CMC1: variants seen among roughly 807,000 people sequenced by gnomAD.
The protein encoded by CMC1 is COX assembly mitochondrial protein homolog.
CMC1 carries 14 observed loss-of-function variants against 14.1 expected under a neutral mutation model. The ratio of observed to expected loss-of-function variants is 0.99; its 90% CI spans 0.66 to 1.55. The LOEUF (loss-of-function observed/expected upper bound fraction) is 1.55, where lower values mean the gene tolerates loss of function less well. CMC1 is among the 40% of genes most tolerant of loss of function. The pLI, the probability that CMC1 is intolerant of heterozygous loss-of-function variation, is 0.00. For synonymous variants in CMC1, 50 were observed against 38.4 expected, an observed-to-expected ratio of 1.30 and a Z score of -1.12; for missense variants, 127 against 123.8, an observed-to-expected ratio of 1.03 and a Z score of -0.12.
At chr3:28,296,971 A>G (rs899770673) in intron 2 of CMC1, 3 of 151,962 alleles carry the variant, frequency 2.0e-5, no homozygotes, top group Non-Finnish European at 4.4e-5. Flanking sequence ...TCAAACTCTT[A>G]TTAGTTATTT....
intron 2 of CMC1, among the ~76,000 whole-genome samples, chr3:28,275,341 C>CT (rs71087681): frequency 0.051 from 5,147 of 101,208 alleles, 172 homozygotes; most frequent in Non-Finnish European, 0.061. Flanking sequence ...TTTTTTTTTT[C>CT]TTTTTTTTTT....
intron 2 of CMC1, among the ~76,000 whole-genome samples, chr3:28,274,213 T>TTTTTC (rs1700451749): frequency 9.9e-6 from 1 of 101,228 alleles, no homozygotes; most frequent in East Asian, 2.9e-4. Flanking sequence ...AGTGTTTTTG[T>TTTTTC]TTTTTTCTTT....
intron 2 of CMC1, among the ~76,000 whole-genome samples, chr3:28,309,682 A>G (rs1702519271): frequency 5.3e-5 from 8 of 152,106 alleles, no homozygotes; most frequent in Admixed American, 5.2e-4. Flanking sequence ...GGTTCTGTGC[A>G]GAAGAAAACA....
At chr3:28,296,035 G>A (rs973117558) in intron 2 of CMC1, among the ~76,000 whole-genome samples, 1 of 151,892 alleles carries the variant, frequency 6.6e-6, no homozygotes, top group African/African-American at 2.4e-5. Context: ...CTTTTCACCT[G>A]GTCCATAGTA....
chr3:28,262,536 C>T (rs889592581), intron 1 of CMC1, among the ~76,000 whole-genome samples: 2 of 152,092 alleles, frequency 1.3e-5, no homozygotes, highest in African/African-American at 4.8e-5. Context: ...ATATTTGCTG[C>T]TTCAGAGCAT....
intron 1 of CMC1, among the ~76,000 whole-genome samples, chr3:28,248,341 A>T (rs1443298196): frequency 6.6e-6 from 1 of 152,154 alleles, no homozygotes; most frequent in Non-Finnish European, 1.5e-5. Context: ...CCTCCCAGGG[A>T]GGTAGTGTAC....
chr3:28,268,405 T>C (rs1190873280), intron 2 of CMC1, among the ~76,000 whole-genome samples: 1 of 152,166 alleles, frequency 6.6e-6, no homozygotes, highest in Non-Finnish European at 1.5e-5. Flanking sequence ...TGACAACACA[T>C]GTGAAATGTT....
At chr3:28,304,780 A>G (rs1232005773) in intron 2 of CMC1, among the ~76,000 whole-genome samples, 3 of 152,006 alleles carry the variant, frequency 2.0e-5, no homozygotes, top group Non-Finnish European at 2.9e-5. Flanking sequence ...TTTATTCCCT[A>G]TTTTACTTGT....
At chr3:28,260,146 T>C (rs1056252734) in intron 1 of CMC1, among the ~76,000 whole-genome samples, 6 of 152,186 alleles carry the variant, frequency 3.9e-5, no homozygotes, top group Non-Finnish European at 8.8e-5. Context: ...TGAACCACCC[T>C]TGCCTCCCTG....
Position 28,266,504 on chromosome 3 carries a change from G to GT in CMC1, c.109+3135dup, listed in dbSNP as rs752993437. ...TGTAAAATAAACACAAAAGTATATG[G>GT]TTTTTTTTTTTCCTTTTTCTTTGAA... On this transcript the variant is annotated intron_variant, in intron 2 of 3. Coordinates refer to ENST00000466830, the MANE Select transcript of CMC1 (RefSeq NM_182523.2). 4.7e-3 allele frequency among the ~76,000 whole-genome samples: 693 copies of GT among 146,392 alleles called. 11 individuals carry two copies. The highest frequency in any genetic ancestry group is 0.015 in the African/African-American group (622 of 40,134).
chr3:28,298,407 A>C (rs1414754478), intron 2 of CMC1: 2 of 149,402 alleles, frequency 1.3e-5, no homozygotes, highest in African/African-American at 4.9e-5. Flanking sequence ...TGTGAGGTTT[A>C]GAAATAGTAA....
intron 2 of CMC1, among the ~76,000 whole-genome samples, chr3:28,302,753 C>G (rs879542958): frequency 2.0e-5 from 3 of 152,058 alleles, no homozygotes; most frequent in Non-Finnish European, 4.4e-5. Flanking sequence ...TAGCAAAAAA[C>G]CAGCAACAGT....
Position 28,322,059 on chromosome 3 carries a change from G to C in CMC1, c.*2430G>C, listed in dbSNP as rs1301061190. 1 of 151,236 alleles carries C rather than the reference G, an allele frequency of 6.6e-6. No individual in the cohort carries two copies. Among genetic ancestry groups the C allele is most frequent in the South Asian group, 2.1e-4 (1 of 4,832 alleles). 9.4% of individuals were successfully genotyped at this position (151,236 alleles called of 1,614,324 possible). On this transcript the variant is annotated 3_prime_UTR_variant, in exon 4 of 4. Transcript: ENST00000466830. ...TTTTTGGTTGTTTGAATTTTACCTAGAACAGAGATATCAAGTGTAGATTTA... is the reference window on the plus strand; with the variant it reads ...TTTTTGGTTGTTTGAATTTTACCTACAACAGAGATATCAAGTGTAGATTTA...
chr3:28,265,716 A>G (rs962919741), intron 2 of CMC1, among the ~76,000 whole-genome samples: 1 of 152,146 alleles, frequency 6.6e-6, no homozygotes, highest in Non-Finnish European at 1.5e-5. Context: ...TTTTCCATGG[A>G]CAAAGAGAAA....
chr3:28,269,566 CTT>C, intron 2 of CMC1, among the ~76,000 whole-genome samples: 1 of 144,064 alleles, frequency 6.9e-6, no homozygotes, highest in South Asian at 2.2e-4. Flanking sequence ...ACCTAGGTTT[CTT>C]TTTTTTTTTT....
intron 2 of CMC1, among the ~76,000 whole-genome samples, chr3:28,297,385 A>G (rs566179608): frequency 6.6e-6 from 1 of 152,170 alleles, no homozygotes; most frequent in East Asian, 1.9e-4. Context: ...GCAGCCTCAT[A>G]GGACCATGGA....
At chr3:28,299,449 T>C (rs1701909648) in intron 2 of CMC1, among the ~76,000 whole-genome samples, 4 of 152,118 alleles carry the variant, frequency 2.6e-5, no homozygotes, top group African/African-American at 9.6e-5. Flanking sequence ...TCTTTTGTAC[T>C]GTGTTAGAAT....
intron 2 of CMC1, among the ~76,000 whole-genome samples, chr3:28,311,452 T>C (rs1430856275): frequency 4.6e-5 from 7 of 152,338 alleles, no homozygotes; most frequent in African/African-American, 1.7e-4. Flanking sequence ...CTGTTGGTTA[T>C]ACAGAATAAT....
At position 28,263,330 on chromosome 3, in the gene CMC1, CT is replaced by C; in HGVS notation, c.60del (p.Ile22Ter). On this transcript the variant is annotated frameshift_variant, in exon 2 of 4. Transcript: ENST00000466830. LOFTEE classifies it high-confidence loss of function. ...CATGTCGAAAAAGATGTTTTGATCCCTAAAATAATGAGAGAAAAGGCCAAAG... is the reference window on the plus strand; with the variant it reads ...CATGTCGAAAAAGATGTTTTGATCCCAAAATAATGAGAGAAAAGGCCAAAG... ...LRHVEKDVLI[P>X]KIMREKAKER... The C allele has an allele frequency of 6.2e-7, 1 of 1,608,152 alleles. No homozygotes were observed. Among genetic ancestry groups the C allele is most frequent in the Non-Finnish European group, 8.5e-7 (1 of 1,177,696 alleles).
Sources: allele counts gnomAD v4.1 joint callset (sites outside exome capture counted in the v4.1 genomes callset), GRCh38; gene constraint gnomAD v4.1.1; transcripts MANE v1.5; gene names NCBI Gene and HGNC (gene_info 2026-07-23, HGNC 2026-07-21).